Variants in ARF1 observed in about 807,000 individuals in gnomAD.
ARF1 encodes ADP-ribosylation factor 1.
In ARF1, 1 loss-of-function variant was observed where a neutral mutation model predicts 18.0. The ratio of observed to expected loss-of-function variants is 0.06; its 90% CI spans 0.02 to 0.26. The LOEUF is 0.26. ARF1 is among the 10% of genes least tolerant of loss of function. ARF1 has a pLI of 1.00. For synonymous variants in ARF1, 112 were observed against 96.3 expected (o/e 1.16, Z -0.95); for missense variants, 73 against 247.2 (o/e 0.30, Z 4.73).
At chr1:228,083,519 A>AT (rs2032290440) in intron 1 of ARF1, 1 of 152,228 alleles carries the variant, frequency 6.6e-6, no homozygotes, top group Non-Finnish European at 1.5e-5. Flanking sequence ...TGGGGTCAGC[A>AT]CTCAGGGCAC....
In ARF1 at chr1:228,089,328, G is replaced by T. The variant is rs189935365; in HGVS notation, c.-38+6563G>T. Among the ~76,000 whole-genome samples the T allele has an allele frequency of 6.6e-6, 1 of 152,320 alleles. No homozygotes were observed. The highest frequency in any genetic ancestry group is 1.5e-5 in the Non-Finnish European group (1 of 68,030). ...ACCTAGGTCTGGAGTGCCTCCAGAA[G>T]CGAGGATTTCCTGCAAGGGCGGTGG... On this transcript the variant is annotated intron_variant, in intron 1 of 4. Coordinates refer to ENST00000272102, the MANE Select transcript of ARF1 (RefSeq NM_001658.4). This position sits in a 1 kb window ranked among gnomAD's most constrained non-coding sequence, Gnocchi z 4.1.
intron 1 of ARF1, among the ~76,000 whole-genome samples, chr1:228,095,713 T>G (rs936660369): frequency 6.6e-6 from 1 of 152,168 alleles, no homozygotes; most frequent in Non-Finnish European, 1.5e-5. Context: ...ACATCCAAGG[T>G]CTTCCTCCCT....
Position 228,097,828 on chromosome 1 carries a change from C to A in ARF1, c.385-24C>A. On this transcript the variant is annotated intron_variant, in intron 4 of 4. Transcript: ENST00000272102. The surrounding 1 kb of genome is among the most constrained non-coding windows in gnomAD (Gnocchi z 8.1). ...TTTCTCTGTCCTGTGGACAGCCCTTCCCACCAACCCTTCCTTCCCCCAGGA... is the reference window on the plus strand; with the variant it reads ...TTTCTCTGTCCTGTGGACAGCCCTTACCACCAACCCTTCCTTCCCCCAGGA... 6.2e-7 allele frequency: 1 copy of A among 1,608,026 alleles called. No homozygotes were observed. The highest frequency in any genetic ancestry group is 8.5e-7 in the Non-Finnish European group (1 of 1,176,256).
chr1:228,084,570 A>G (rs2032334238), intron 1 of ARF1, among the ~76,000 whole-genome samples: 1 of 152,236 alleles, frequency 6.6e-6, no homozygotes, highest in East Asian at 1.9e-4. Context: ...CTGGTTTTGT[A>G]CATCATGTGG....
At position 228,097,492 on chromosome 1, in the gene ARF1, C is replaced by T. The variant is rs1558087618; in HGVS notation, c.259+40C>T. ...CCTGGTCCCATGGGCACTCCTGCTT[C>T]TAGAGAGGGGGGGCCAGCCCATAGA... On this transcript the variant is annotated intron_variant, in intron 3 of 4. Transcript: ENST00000272102. This position sits in a 1 kb window ranked among gnomAD's most constrained non-coding sequence, Gnocchi z 8.1. 9.3e-6 allele frequency: 15 copies of T among 1,613,584 alleles called. No individual in the cohort carries two copies. The East Asian group carries it at 3.3e-4, about 36-fold the overall frequency.
intron 1 of ARF1, among the ~76,000 whole-genome samples, chr1:228,088,741 C>T (rs1178382207): frequency 6.6e-6 from 1 of 152,208 alleles, no homozygotes; most frequent in South Asian, 2.1e-4. Context: ...GTTCTCTGGC[C>T]GCCACCCTTG....
At position 228,098,356 on chromosome 1, in the gene ARF1, C is replaced by T. The variant is rs1426683649; in HGVS notation, c.*343C>T. 4 of 195,958 alleles carry T rather than the reference C, an allele frequency of 2.0e-5. No individual in the cohort carries two copies. Among genetic ancestry groups the T allele is most frequent in the Non-Finnish European group, 4.1e-5 (4 of 97,034 alleles). 12.1% of individuals were successfully genotyped at this position (195,958 alleles called of 1,614,324 possible). On this transcript the variant is annotated 3_prime_UTR_variant, in exon 5 of 5. Coordinates refer to ENST00000272102, the MANE Select transcript of ARF1 (RefSeq NM_001658.4). ...CTGTGTTGGGAGAGCCGGCCACGCC[C>T]TTGGCTTTAGAGCTGTGTTGAAATC... is the stretch of plus-strand genomic sequence containing the variant.
chr1:228,093,030 T>A (rs1431806629), intron 1 of ARF1, among the ~76,000 whole-genome samples: 2 of 152,150 alleles, frequency 1.3e-5, no homozygotes. Context: ...TCCTCAGAGT[T>A]GGAGCCCACA....
At chr1:228,087,845 G>A (rs1351051979) in intron 1 of ARF1, among the ~76,000 whole-genome samples, 1 of 152,148 alleles carries the variant, frequency 6.6e-6, no homozygotes, top group African/African-American at 2.4e-5. Context: ...CCACACATGA[G>A]TACAGTTTTT....
At position 228,098,195 on chromosome 1, in the gene ARF1, T is replaced by C. The variant is rs899482669; in HGVS notation, c.*182T>C. ...GGCTTTTTATTTAATGTAAATAGTT[T>C]TTGTTTCCAATGAGGCAGTTTCTGG... On this transcript the variant is annotated 3_prime_UTR_variant, in exon 5 of 5. Transcript: ENST00000272102. 2.9e-6 allele frequency: 2 copies of C among 699,992 alleles called. No individual in the cohort carries two copies. Among genetic ancestry groups the C allele is most frequent in the Admixed American group, 7.0e-5 (2 of 28,398 alleles). 43.4% of individuals were successfully genotyped at this position (699,992 alleles called of 1,614,324 possible). A position where few individuals can be genotyped will look rare whatever the true frequency, so the allele number is the denominator to read the frequency against.
intron 1 of ARF1, among the ~76,000 whole-genome samples, chr1:228,088,959 C>T (rs1016555784): frequency 2.0e-5 from 3 of 152,184 alleles, no homozygotes; most frequent in African/African-American, 7.2e-5. Context: ...CGGGCGGCAG[C>T]CGTGGGGCAG....
rs974205715 is a variant in ARF1 at position 228,098,048 on chromosome 1, C to A, written c.*35C>A. 19 of 1,575,300 alleles carry A rather than the reference C, an allele frequency of 1.2e-5. No individual in the cohort carries two copies. Among genetic ancestry groups the A allele is most frequent in the Non-Finnish European group, 1.6e-5 (19 of 1,157,858 alleles). On this transcript the variant is annotated 3_prime_UTR_variant, in exon 5 of 5. Coordinates refer to ENST00000272102, the MANE Select transcript of ARF1 (RefSeq NM_001658.4). Reference sequence around the variant, plus strand: ...CCCTCCCTCTCACTCCTCTTGCCCTCTGCTTTACTCTCATGTGGCAAACGT... The same window carrying A: ...CCCTCCCTCTCACTCCTCTTGCCCTATGCTTTACTCTCATGTGGCAAACGT...
intron 1 of ARF1, among the ~76,000 whole-genome samples, chr1:228,093,411 G>A (rs947363209): frequency 1.2e-4 from 18 of 152,134 alleles, no homozygotes; most frequent in African/African-American, 3.4e-4. Context: ...ATAGGGTCCT[G>A]TGGGGATGCT....
At position 228,097,592 on chromosome 1, in the gene ARF1, C is replaced by T; in HGVS notation, c.261C>T (p.Gly87=). Residue 87 remains glycine, a splice_region_variant and synonymous_variant, in exon 4 of 5, where the codon GGC becomes GGT. Transcript: ENST00000272102. This position sits in a 1 kb window ranked among gnomAD's most constrained non-coding sequence, Gnocchi z 8.1. The stretch of plus-strand genomic sequence containing the variant: ...CATTTGACACTGGCTGCCCGGCAGG[C>T]CTGATCTTCGTGGTGGACAGCAATG... ...LWRHYFQNTQ[G]LIFVVDSNDR... is the part of the protein sequence containing the mutation. 6.2e-7 allele frequency: 1 copy of T among 1,614,178 alleles called. No homozygotes were observed. The highest frequency in any genetic ancestry group is 1.1e-5 in the South Asian group (1 of 91,088).
intron 1 of ARF1, chr1:228,096,382 A>G (rs1430478352): frequency 6.6e-6 from 1 of 152,272 alleles, no homozygotes; most frequent in African/African-American, 2.4e-5. Context: ...TCGGGATAAA[A>G]TCACCTGATT....
At chr1:228,086,515 CAAAAAAA>C (rs796644449) in intron 1 of ARF1, among the ~76,000 whole-genome samples, 1 of 92,840 alleles carries the variant, frequency 1.1e-5, no homozygotes, top group African/African-American at 4.0e-5. Flanking sequence ...GACTTTGTCT[CAAAAAAA>C]AAAAAAAGAA....
intron 1 of ARF1, among the ~76,000 whole-genome samples, chr1:228,092,018 A>G (rs942337178): frequency 3.3e-5 from 5 of 152,186 alleles, no homozygotes; most frequent in Non-Finnish European, 7.3e-5. Context: ...AATGTTATGT[A>G]ATGTACATGA....
rs940812635 is a variant in ARF1, at chr1:228,082,759, C to T, written c.-44C>T. 2 of 151,786 alleles carry T rather than the reference C, an allele frequency of 1.3e-5. No homozygotes were observed. Among genetic ancestry groups the T allele is most frequent in the Non-Finnish European group, 2.9e-5 (2 of 67,948 alleles). 9.4% of individuals were successfully genotyped at this position (151,786 alleles called of 1,614,324 possible). On this transcript the variant is annotated 5_prime_UTR_variant, in exon 1 of 5. Transcript: ENST00000272102. This position sits in a 1 kb window ranked among gnomAD's most constrained non-coding sequence, Gnocchi z 6.1. ...CCAACGCCTGGCTCGGAGCAGCAGC[C>T]TCTGAGGTGAGGGCGAGGGGCGCGG...
rs1255976085 is a variant in ARF1, at chr1:228,097,595, G to A, written c.264G>A (p.Leu88=). 6.2e-7 allele frequency: 1 copy of A among 1,614,202 alleles called. No individual in the cohort carries two copies. The highest frequency in any genetic ancestry group is 8.5e-7 in the Non-Finnish European group (1 of 1,180,026). ...TTGACACTGGCTGCCCGGCAGGCCT[G>A]ATCTTCGTGGTGGACAGCAATGACA... ...WRHYFQNTQG[L]IFVVDSNDRE... The change falls in exon 4 of 5, where the codon CTG becomes CTA. Residue 88 remains leucine (L), a synonymous_variant. Coordinates refer to ENST00000272102, the MANE Select transcript of ARF1 (RefSeq NM_001658.4). This position sits in a 1 kb window ranked among gnomAD's most constrained non-coding sequence, Gnocchi z 8.1.
Sources: allele counts gnomAD v4.1 joint callset (sites outside exome capture counted in the v4.1 genomes callset), GRCh38; gene constraint gnomAD v4.1.1; non-coding constraint Gnocchi (gnomAD v3.1); transcripts MANE v1.5; gene names NCBI Gene and HGNC (gene_info 2026-07-23, HGNC 2026-07-21).